Variants in ABAT observed in about 807,000 individuals in gnomAD.
The protein encoded by ABAT is 4-aminobutyrate aminotransferase, mitochondrial.
A neutral mutation model predicts 64.6 loss-of-function variants in ABAT; 45 were observed. The ratio of observed to expected loss-of-function variants is 0.70; its 90% confidence interval spans 0.55 to 0.89. The LOEUF is 0.89. Among genes scored for constraint, ABAT ranks in the 40% least tolerant of loss-of-function variants. ABAT has a pLI of 0.00. For synonymous variants in ABAT, 297 were observed against 250.5 expected, an observed-to-expected ratio of 1.19 and a Z score of -1.75; for missense variants, 633 against 658.4, an observed-to-expected ratio of 0.96 and a Z score of 0.42.
intron 2 of ABAT, among the ~76,000 whole-genome samples, chr16:8,739,249 G>A (rs1309682964): frequency 2.0e-5 from 3 of 152,228 alleles, no homozygotes; most frequent in Non-Finnish European, 2.9e-5. Context: ...TTCCTAAGGA[G>A]ACACCATGGG....
Position 8,768,892 on chromosome 16 carries a change from C to A in ABAT, c.735C>A (p.Ile245=). The A allele has an allele frequency of 6.2e-7, 1 of 1,614,178 alleles. No individual in the cohort carries two copies. The highest frequency in any genetic ancestry group is 8.5e-7 in the Non-Finnish European group (1 of 1,180,042). The change falls in exon 11 of 16, where the codon ATC becomes ATA. Residue 245 remains isoleucine (I), a synonymous_variant. Coordinates refer to ENST00000268251, the MANE Select transcript of ABAT (RefSeq NM_020686.6). ...KIDIPSFDWP[I]APFPRLKYPL... ...ACATCCCTTCCTTTGACTGGCCCAT[C>A]GCACCGTTCCCACGGCTGAAATACC...
chr16:8,757,995 A>G (rs2142851232), intron 6 of ABAT, among the ~76,000 whole-genome samples, 189 bp downstream of exon 6: 1 of 152,338 alleles, frequency 6.6e-6, no homozygotes, highest in African/African-American at 2.4e-5. Context: ...ATTCCCACGG[A>G]GGCAGTCAAT....
Position 8,706,030 on chromosome 16 carries a change from C to T in ABAT, c.-41-29669C>T, listed in dbSNP as rs1021467516. ...CTATAAAATGGGAATAATAAGAATT[C>T]ACTGGACAAATATTCAGTGTGCCTG... On this transcript the variant is annotated intron_variant, in intron 1 of 15. Coordinates refer to ENST00000268251, the MANE Select transcript of ABAT (RefSeq NM_020686.6). Among the ~76,000 whole-genome samples the T allele has an allele frequency of 2.6e-5, 4 of 152,072 alleles. No individual in the cohort carries two copies. In the South Asian group the frequency reaches 8.3e-4, roughly 32 times the overall value.
In ABAT at chr16:8,741,519, T is replaced by A. The variant is rs539192843; in HGVS notation, c.71-4482T>A. 2.2e-4 allele frequency among the ~76,000 whole-genome samples: 33 copies of A among 152,324 alleles called. 1 individual carries two copies. Among genetic ancestry groups the A allele is most frequent in the Admixed American group, 2.0e-3 (30 of 15,304 alleles). On this transcript the variant is annotated intron_variant, in intron 2 of 15. Transcript: ENST00000268251. ...TTTACCTCATAGGAGTTTGTGAGAA[T>A]TAAATGAGATAAGCCATGTAAATTG...
chr16:8,676,297 A>G (rs1267378881), intron 1 of ABAT, among the ~76,000 whole-genome samples: 1 of 152,124 alleles, frequency 6.6e-6, no homozygotes, highest in Admixed American at 6.5e-5. Context: ...GAGGCACAAA[A>G]GGGGAAGAGA....
At chr16:8,773,147 C>CACACACACACACACACAT (rs1239743158) in intron 12 of ABAT, among the ~76,000 whole-genome samples, 1 of 98,424 alleles carries the variant, frequency 1.0e-5, no homozygotes, top group African/African-American at 4.3e-5. Flanking sequence ...CACACACACA[C>CACACACACACACACACAT]ATATATATAT....
rs569174631 is a variant in ABAT, at chr16:8,735,074, C to T, written c.-41-625C>T. Reference sequence around the variant, plus strand: ...AAAAAAAAATCACTGGGCATGGTAGCACATGCCTGTAGTCCCAGCTACTCA... The same window carrying T: ...AAAAAAAAATCACTGGGCATGGTAGTACATGCCTGTAGTCCCAGCTACTCA... On this transcript the variant is annotated intron_variant, in intron 1 of 15. Transcript: ENST00000268251. 3.4e-5 allele frequency among the ~76,000 whole-genome samples: 5 copies of T among 148,726 alleles called. No individual in the cohort carries two copies. The South Asian group carries it at 1.1e-3, about 31-fold the overall frequency.
intron 11 of ABAT, among the ~76,000 whole-genome samples, chr16:8,769,337 C>T (rs940203445): frequency 2.0e-5 from 3 of 152,034 alleles, no homozygotes; most frequent in South Asian, 2.1e-4. Context: ...GAGGCTGAGA[C>T]GGGAGGATCA....
chr16:8,708,142 A>T (rs538220036), intron 1 of ABAT, among the ~76,000 whole-genome samples: 1 of 148,166 alleles, frequency 6.7e-6, no homozygotes, highest in Non-Finnish European at 1.5e-5. Context: ...CATTCCCTCT[A>T]ATTCTCAGCC....
chr16:8,766,383 G>A (rs967900160), intron 9 of ABAT, 113 bp downstream of exon 9: 20 of 1,016,054 alleles, frequency 2.0e-5, no homozygotes, highest in Admixed American at 6.0e-5. Context: ...GGCCAGGCGC[G>A]GTGGCTCATG....
At chr16:8,744,674 A>G (rs2059279184) in intron 2 of ABAT, among the ~76,000 whole-genome samples, 1 of 151,966 alleles carries the variant, frequency 6.6e-6, no homozygotes, top group Non-Finnish European at 1.5e-5. Context: ...AGCCAGCCAC[A>G]CACTTTTAAA....
intron 1 of ABAT, among the ~76,000 whole-genome samples, chr16:8,730,136 G>T (rs2058677499): frequency 6.6e-6 from 1 of 152,156 alleles, no homozygotes; most frequent in Admixed American, 6.5e-5. Flanking sequence ...AAACGAGATG[G>T]TTCTACAGCA....
intron 1 of ABAT, among the ~76,000 whole-genome samples, chr16:8,702,183 A>G (rs2057838247): frequency 6.6e-6 from 1 of 152,134 alleles, no homozygotes; most frequent in South Asian, 2.1e-4. Flanking sequence ...GAAACTTACA[A>G]TCATGGCAGG....
intron 1 of ABAT, among the ~76,000 whole-genome samples, chr16:8,694,975 G>A (rs62032507): frequency 1.3e-5 from 2 of 152,194 alleles, no homozygotes; most frequent in Non-Finnish European, 2.9e-5. Context: ...CATTCCCGAC[G>A]TTTCACTTGA....
At chr16:8,749,513 C>G (rs2059421243) in intron 4 of ABAT, among the ~76,000 whole-genome samples, 1 of 146,596 alleles carries the variant, frequency 6.8e-6, no homozygotes, top group South Asian at 2.2e-4. Context: ...ATTCTCCTGC[C>G]TCAGCGTCCC....
intron 1 of ABAT, among the ~76,000 whole-genome samples, chr16:8,721,175 G>GGGGC (rs1353571745): frequency 6.6e-6 from 1 of 152,142 alleles, no homozygotes; most frequent in Non-Finnish European, 1.5e-5. Context: ...GTCTAGTCTG[G>GGGGC]GGGTAAGATC....
At chr16:8,711,871 G>A (rs1199143136) in intron 1 of ABAT, among the ~76,000 whole-genome samples, 1 of 152,044 alleles carries the variant, frequency 6.6e-6, no homozygotes, top group Non-Finnish European at 1.5e-5. Context: ...GGGAGAGAAG[G>A]ATAGATGGAT....
intron 1 of ABAT, among the ~76,000 whole-genome samples, chr16:8,723,158 G>A (rs1221871832): frequency 6.6e-6 from 1 of 152,128 alleles, no homozygotes; most frequent in African/African-American, 2.4e-5. Context: ...ACTTGAATCC[G>A]GGAGGCAGAG....
At chr16:8,716,696 G>A (rs1211665987) in intron 1 of ABAT, among the ~76,000 whole-genome samples, 1 of 152,106 alleles carries the variant, frequency 6.6e-6, no homozygotes. Flanking sequence ...CCTTTTTATT[G>A]GATCCCGTTG....
Sources: gnomAD v4.1 joint callset for allele counts (sites outside exome capture counted in the v4.1 genomes callset) on GRCh38, gnomAD v4.1.1 for gene constraint, MANE v1.5 for transcripts, NCBI Gene and HGNC (gene_info 2026-07-23, HGNC 2026-07-21) for gene names.